LGALS12: variants seen among roughly 807,000 people sequenced by gnomAD.
The protein encoded by LGALS12 is galectin-12.
In LGALS12, 36 loss-of-function variants were observed where a neutral mutation model predicts 36.8. The ratio of observed to expected loss-of-function variants is 0.98; its 90% CI spans 0.75 to 1.29. The LOEUF (loss-of-function observed/expected upper bound fraction) is 1.29, where lower values mean the gene tolerates loss of function less well. LGALS12 is among the 50% of genes most tolerant of loss of function. The pLI is 0.00. For missense variants in LGALS12, 366 were observed against 394.3 expected (o/e 0.93, Z 0.61); for synonymous variants, 145 against 155.9 (o/e 0.93, Z 0.52).
rs2016802091 is a variant in LGALS12 at position 63,508,283 on chromosome 11, T to C, written c.70-270T>C. ...CTGCAGCCTGTTGTGTCCTAGGAGC[T>C]GGGGAAAGGCAACTGGCTGGTGCTG... On this transcript the variant is annotated intron_variant, in intron 1 of 8. Transcript: ENST00000394618. The C allele has an allele frequency of 3.8e-6, 5 of 1,320,066 alleles. No individual in the cohort carries two copies. In the Admixed American group the frequency reaches 1.7e-4, roughly 44 times the overall value. The allele number at this position is 1,320,066 out of a possible 1,614,324, so 81.8% of individuals were successfully genotyped here. A position where few individuals can be genotyped will look rare whatever the true frequency, so the allele number is the denominator to read the frequency against.
rs1259017764 is a variant in LGALS12, at chr11:63,506,281, CG to C, written c.-177del. On this transcript the variant is annotated 5_prime_UTR_variant, in exon 1 of 9. The change abolishes the stop of an existing upstream ORF in the 5' untranslated region. Transcript: ENST00000394618. ...TGGGGCTGGTGTGGAGCCTGGAGGTCGCCCGCTGCCCTCCTAGGGCTGCTCC... is the reference window on the plus strand; with the variant it reads ...TGGGGCTGGTGTGGAGCCTGGAGGTCCCCGCTGCCCTCCTAGGGCTGCTCC... 3 of 1,270,056 alleles carry C rather than the reference CG, an allele frequency of 2.4e-6. No individual in the cohort carries two copies. The highest frequency in any genetic ancestry group is 3.3e-6 in the Non-Finnish European group (3 of 920,834). The allele number at this position is 1,270,056 out of a possible 1,614,324, so 78.7% of individuals were successfully genotyped here.
chr11:63,511,689 GA>G (rs1480363451), intron 6 of LGALS12, 62 bp from the exon 7 acceptor site: 12 of 1,225,370 alleles, frequency 9.8e-6, no homozygotes, highest in African/African-American at 1.5e-5. Context: ...GGCCCCCGGG[GA>G]TGGGCGGTCC....
Position 63,508,881 on chromosome 11 carries a change from A to G in LGALS12, c.262A>G (p.Asn88Asp). Residue 88 changes from asparagine to aspartate, a missense_variant, in exon 3 of 9, where the codon AAC becomes GAC. Coordinates refer to ENST00000394618, the MANE Select transcript of LGALS12 (RefSeq NM_033101.4). The stretch of plus-strand genomic sequence containing the variant: ...TACCACCAAGCCCCATGTCATCTGC[A>G]ACACCCTGCATGGTGGACGCTGGCA... ...FHTTKPHVICNTLHGGRWQRE... is the reference protein window; with the variant it reads ...FHTTKPHVICDTLHGGRWQRE... 1 of 1,614,204 alleles carries G rather than the reference A, an allele frequency of 6.2e-7. No individual in the cohort carries two copies.
At position 63,516,485 on chromosome 11, in the gene LGALS12, C is replaced by T; in HGVS notation, c.*92C>T. 1 of 1,440,914 alleles carries T rather than the reference C, an allele frequency of 6.9e-7. No homozygotes were observed. Among genetic ancestry groups the T allele is most frequent in the Non-Finnish European group, 9.6e-7 (1 of 1,037,752 alleles). 89.3% of individuals were successfully genotyped at this position (1,440,914 alleles called of 1,614,324 possible). On this transcript the variant is annotated 3_prime_UTR_variant, in exon 9 of 9. Transcript: ENST00000394618. ...TCCCCTCATTAAACCATCCACCTGA[C>T]ACCAGCACATCAGGCCTGGTTCACC... is the stretch of plus-strand genomic sequence containing the variant.
intron 6 of LGALS12, among the ~76,000 whole-genome samples, chr11:63,511,528 G>T (rs1370514877): frequency 6.6e-6 from 1 of 152,208 alleles, no homozygotes; most frequent in Non-Finnish European, 1.5e-5. Flanking sequence ...GAAGGACATG[G>T]TGGTCGGGAC....
chr11:63,511,106 G>T lies in LGALS12; in HGVS notation c.558+1G>T. The T allele has an allele frequency of 1.2e-6, 2 of 1,613,392 alleles. No individual in the cohort carries two copies. The highest frequency in any genetic ancestry group is 8.5e-7 in the Non-Finnish European group (1 of 1,179,940). On this transcript the variant is annotated splice_donor_variant, in intron 6 of 8. Coordinates refer to ENST00000394618, the MANE Select transcript of LGALS12 (RefSeq NM_033101.4). LOFTEE classifies it high-confidence loss of function. ...TTTCCTGCTGATGAGCCCCAGGCTG[G>T]TGAGTGAACCTCCCTCCTGCTCTGT...
chr11:63,512,822 A>T (rs1459522311), intron 7 of LGALS12, among the ~76,000 whole-genome samples: 1 of 151,868 alleles, frequency 6.6e-6, no homozygotes, highest in Non-Finnish European at 1.5e-5. Context: ...GGGGTTGATA[A>T]TAATGCCGAC....
chr11:63,507,296 T>G (rs1404504), intron 1 of LGALS12, among the ~76,000 whole-genome samples: 96,008 of 152,048 alleles, frequency 0.63, 30,607 homozygotes, highest in African/African-American at 0.66. Context: ...ATCCTGGTGG[T>G]TTTCAGTTTT....
rs200655065 is a variant in LGALS12, at chr11:63,511,813, G to T, written c.620G>T (p.Arg207Leu). The change falls in exon 7 of 9, where the codon CGG becomes CTG. Residue 207 changes from arginine (R) to leucine (L), a missense_variant. Transcript: ENST00000394618. ...GLSPGQVIIV[R>L]GLVLQEPKHF... Reference sequence around the variant, plus strand: ...TCGCCTGGGCAGGTCATCATAGTACGGGGACTGGTCTTGCAAGAGCCGAAG... The same window carrying T: ...TCGCCTGGGCAGGTCATCATAGTACTGGGACTGGTCTTGCAAGAGCCGAAG... The T allele has an allele frequency of 6.2e-7, 1 of 1,613,420 alleles. No individual in the cohort carries two copies. The highest frequency in any genetic ancestry group is 2.2e-5 in the East Asian group (1 of 44,882).
At chr11:63,508,265 C>G (rs373486886) in intron 1 of LGALS12, 6 of 1,282,986 alleles carry the variant, frequency 4.7e-6, no homozygotes, top group African/African-American at 3.0e-5. Flanking sequence ...TCACTGCAGC[C>G]TGTTGTGTCC....
intron 1 of LGALS12, 179 bp from the exon 2 acceptor site, chr11:63,508,374 G>A (rs981997513): frequency 5.8e-5 from 83 of 1,438,976 alleles, no homozygotes; most frequent in Admixed American, 1.4e-4. Context: ...GACGGTCCAG[G>A]AAAGGGGATT....
chr11:63,514,399 A>G (rs914585633), intron 7 of LGALS12, among the ~76,000 whole-genome samples: 11 of 151,986 alleles, frequency 7.2e-5, no homozygotes, highest in Admixed American at 2.0e-4. Flanking sequence ...GTGAAACCCC[A>G]TCTCTACTAA....
intron 7 of LGALS12, among the ~76,000 whole-genome samples, chr11:63,513,019 G>C (rs761870874): frequency 6.6e-6 from 1 of 152,036 alleles, no homozygotes; most frequent in African/African-American, 2.4e-5. Context: ...GCACACTGCC[G>C]ATCATGCCTG....
intron 7 of LGALS12, among the ~76,000 whole-genome samples, chr11:63,515,201 CTTAG>C (rs1371213531): frequency 3.3e-5 from 5 of 152,200 alleles, no homozygotes; most frequent in Admixed American, 2.0e-4. Flanking sequence ...ATACCTGGCA[CTTAG>C]TTAGCATTCA....
At chr11:63,509,718 A>T (rs1382179693) in intron 3 of LGALS12, 60 bp from the exon 4 acceptor site, 10 of 1,588,980 alleles carry the variant, frequency 6.3e-6, no homozygotes, top group African/African-American at 4.0e-5. Flanking sequence ...TGCCTGGGAC[A>T]TTGTTATGAA....
In LGALS12 at chr11:63,506,238, G is replaced by GCTGT. The variant is rs2016739606; in HGVS notation, c.-220_-217dup. ...ACAGCCCCCGCCCAGCCAGAGCTCT[G>GCTGT]CTGTATACCACCGGGAGTGGGGCTG... On this transcript the variant is annotated 5_prime_UTR_variant, in exon 1 of 9. It removes the in-frame stop codon of an upstream open reading frame in the 5' UTR. Coordinates refer to ENST00000394618, the MANE Select transcript of LGALS12 (RefSeq NM_033101.4). 1 of 754,548 alleles carries GCTGT rather than the reference G, an allele frequency of 1.3e-6. No individual in the cohort carries two copies. Among genetic ancestry groups the GCTGT allele is most frequent in the Non-Finnish European group, 2.1e-6 (1 of 473,530 alleles). 46.7% of individuals were successfully genotyped at this position (754,548 alleles called of 1,614,324 possible).
intron 4 of LGALS12, among the ~76,000 whole-genome samples, 199 bp downstream of exon 4, chr11:63,510,096 G>T (rs925943277): frequency 2.6e-5 from 4 of 152,222 alleles, no homozygotes; most frequent in African/African-American, 9.6e-5. Context: ...ATGGCAGAAA[G>T]GGTGTCCAGG....
At chr11:63,511,716 G>C (rs1337012547) in intron 6 of LGALS12, 36 bp from the exon 7 acceptor site, 1 of 1,504,912 alleles carries the variant, frequency 6.6e-7, no homozygotes, top group South Asian at 1.1e-5. Context: ...AGTCCCCCTG[G>C]AAGTCAACTT....
At chr11:63,509,545 C>T (rs554994507) in intron 3 of LGALS12, among the ~76,000 whole-genome samples, 1 of 152,188 alleles carries the variant, frequency 6.6e-6, no homozygotes, top group Non-Finnish European at 1.5e-5. Context: ...AATGAGGGGC[C>T]TCTGTTGGGG....
Sources: allele counts gnomAD v4.1 joint callset (sites outside exome capture counted in the v4.1 genomes callset), GRCh38; gene constraint gnomAD v4.1.1; transcripts MANE v1.5; gene names NCBI Gene and HGNC (gene_info 2026-07-23, HGNC 2026-07-21).